HAT1: variants seen among roughly 807,000 people sequenced by gnomAD.
The protein encoded by HAT1 is histone acetyltransferase 1.
In HAT1, 20 loss-of-function variants were observed where a neutral mutation model predicts 56.6. The observed-to-expected ratio is 0.35, with a 90% CI of 0.25 to 0.51. The LOEUF (loss-of-function observed/expected upper bound fraction) is 0.51, where lower values mean the gene tolerates loss of function less well. Ranked by LOEUF, HAT1 falls within the 20% of genes least tolerant of loss-of-function variation. The pLI is 0.95. For synonymous variants in HAT1, 146 were observed against 165.5 expected, an observed-to-expected ratio of 0.88 and a Z score of 0.91; for missense variants, 408 against 504.3, an observed-to-expected ratio of 0.81 and a Z score of 1.83.
chr2:171,945,220 T>C (rs1050590644), intron 2 of HAT1, among the ~76,000 whole-genome samples: 1 of 152,140 alleles, frequency 6.6e-6, no homozygotes, highest in Admixed American at 6.6e-5. Context: ...TTTTAATGAA[T>C]AAAATTTTCT....
At chr2:171,944,373 T>C (rs1188050962) in intron 2 of HAT1, among the ~76,000 whole-genome samples, 1 of 152,248 alleles carries the variant, frequency 6.6e-6, no homozygotes, top group African/African-American at 2.4e-5. Flanking sequence ...CTTCCTCCTC[T>C]ATCCTCTGTA....
intron 10 of HAT1, chr2:171,979,630 A>G (rs570142798): frequency 4.8e-5 from 13 of 270,456 alleles, no homozygotes; most frequent in African/African-American, 1.1e-4. Flanking sequence ...CAACGTGGTG[A>G]AACCCTGTCT....
At chr2:171,939,720 C>T (rs1334058526) in intron 2 of HAT1, among the ~76,000 whole-genome samples, 2 of 151,910 alleles carry the variant, frequency 1.3e-5, no homozygotes, top group Admixed American at 6.6e-5. Flanking sequence ...GTTCAGGTGA[C>T]ATTTTTTAGC....
At chr2:171,969,440 A>T (rs1209801887) in intron 8 of HAT1, among the ~76,000 whole-genome samples, 1 of 152,152 alleles carries the variant, frequency 6.6e-6, no homozygotes, top group Non-Finnish European at 1.5e-5. Flanking sequence ...GAGAAGCTTT[A>T]AAAAAACGAT....
chr2:171,979,445 G>C (rs1486517649), intron 10 of HAT1, 82 bp downstream of exon 10: 1 of 734,982 alleles, frequency 1.4e-6, no homozygotes, highest in Middle Eastern at 2.9e-4. Context: ...CAGTATATGA[G>C]AGAGTCCAAG....
intron 4 of HAT1, among the ~76,000 whole-genome samples, chr2:171,958,532 C>G (rs1687502554): frequency 1.3e-5 from 2 of 152,096 alleles, no homozygotes; most frequent in Admixed American, 1.3e-4. Context: ...AAGCAATCTT[C>G]CCACCTTGGC....
At chr2:171,938,339 T>G (rs1431446570) in intron 2 of HAT1, among the ~76,000 whole-genome samples, 1 of 152,182 alleles carries the variant, frequency 6.6e-6, no homozygotes, top group African/African-American at 2.4e-5. Context: ...GGGACCAGTT[T>G]AGTGGAAGAC....
Position 171,965,439 on chromosome 2 carries a change from G to A in HAT1, c.411G>A (p.Lys137=). The change falls in exon 5 of 11, where the codon AAG becomes AAA. Residue 137 remains lysine (K), a synonymous_variant. Transcript: ENST00000264108. The part of the protein sequence containing the change: ...LSLLEKEVDF[K]PFGTLLHTYS... ...TACTGGAAAAGGAAGTTGATTTCAA[G>A]CCATTCGGAACCTTACTTCATACCT... 6.2e-7 allele frequency: 1 copy of A among 1,611,660 alleles called. No individual in the cohort carries two copies. The highest frequency in any genetic ancestry group is 1.3e-5 in the African/African-American group (1 of 74,964).
chr2:171,977,517 G>T (rs1687998743), intron 9 of HAT1, among the ~76,000 whole-genome samples: 1 of 79,972 alleles, frequency 1.3e-5, no homozygotes, highest in Non-Finnish European at 2.7e-5. Context: ...AAAAGAACAG[G>T]CATATGAATA....
chr2:171,966,287 A>G, intron 6 of HAT1, 122 bp from the exon 7 acceptor site: 1 of 703,616 alleles, frequency 1.4e-6, no homozygotes, highest in South Asian at 1.5e-5. Flanking sequence ...AGGTGTACCC[A>G]TTGGGCCCTC....
chr2:171,928,572 G>A (rs1439530819), intron 2 of HAT1, among the ~76,000 whole-genome samples: 2 of 152,116 alleles, frequency 1.3e-5, no homozygotes, highest in African/African-American at 2.4e-5. Flanking sequence ...GCAGTGGCAT[G>A]ATTGCGGCTC....
At chr2:171,939,600 A>T (rs976812643) in intron 2 of HAT1, among the ~76,000 whole-genome samples, 2 of 152,186 alleles carry the variant, frequency 1.3e-5, no homozygotes, top group African/African-American at 4.8e-5. Flanking sequence ...ATAAGAGAAG[A>T]TATGTGTGAT....
At chr2:171,934,595 G>A (rs942201038) in intron 2 of HAT1, among the ~76,000 whole-genome samples, 1 of 152,160 alleles carries the variant, frequency 6.6e-6, no homozygotes, top group African/African-American at 2.4e-5. Context: ...TCATCTAGGT[G>A]AGTGGGAGGA....
intron 2 of HAT1, among the ~76,000 whole-genome samples, chr2:171,935,340 C>G (rs1259634297): frequency 6.7e-6 from 1 of 149,622 alleles, no homozygotes; most frequent in African/African-American, 2.5e-5. Flanking sequence ...CATGGTGAAA[C>G]CCCGTCTCTA....
Position 171,946,707 on chromosome 2 carries a change from G to C in HAT1, c.113-1G>C. 6.4e-7 allele frequency: 1 copy of C among 1,556,552 alleles called. No individual in the cohort carries two copies. Among genetic ancestry groups the C allele is most frequent in the African/African-American group, 1.4e-5 (1 of 73,664 alleles). Reference sequence around the variant, plus strand: ...CTCTATTTTTTTGTCCCTTGAAACAGTTCGTTTTCCTGAAGATCTTGAAAA... The same window carrying C: ...CTCTATTTTTTTGTCCCTTGAAACACTTCGTTTTCCTGAAGATCTTGAAAA... On this transcript the variant is annotated splice_acceptor_variant, in intron 2 of 10. Coordinates refer to ENST00000264108, the MANE Select transcript of HAT1 (RefSeq NM_003642.4). LOFTEE classifies it high-confidence loss of function.
chr2:171,945,755 G>A (rs146051987), intron 2 of HAT1, among the ~76,000 whole-genome samples: 3,270 of 151,956 alleles, frequency 0.022, 55 homozygotes, highest in Middle Eastern at 0.037. Context: ...TGCAACCTCC[G>A]CCTCCTGGGC....
At chr2:171,924,648 T>C (rs933939236) in intron 1 of HAT1, 1 of 152,252 alleles carries the variant, frequency 6.6e-6, no homozygotes, top group Non-Finnish European at 1.5e-5. Context: ...TTTATGACTT[T>C]AGGCATACAT....
At chr2:171,947,866 G>T (rs1157558621) in intron 3 of HAT1, among the ~76,000 whole-genome samples, 3 of 152,190 alleles carry the variant, frequency 2.0e-5, no homozygotes, top group Non-Finnish European at 4.4e-5. Context: ...GCGACAGAGC[G>T]AGACTGTCTC....
At chr2:171,982,837 C>G (rs571035004) in intron 10 of HAT1, among the ~76,000 whole-genome samples, 1 of 152,168 alleles carries the variant, frequency 6.6e-6, no homozygotes. Flanking sequence ...TCTCAGTTGT[C>G]TTTCTTCAGC....
Sources: gnomAD v4.1 joint callset for allele counts (sites outside exome capture counted in the v4.1 genomes callset) on GRCh38, gnomAD v4.1.1 for gene constraint, MANE v1.5 for transcripts, NCBI Gene and HGNC (gene_info 2026-07-23, HGNC 2026-07-21) for gene names.